CLEC16A: variants seen among roughly 807,000 people sequenced by gnomAD.
CLEC16A encodes the protein protein CLEC16A.
In CLEC16A, 51 loss-of-function variants were observed where a neutral mutation model predicts 109.5. The ratio of observed to expected loss-of-function variants is 0.47; its 90% confidence interval spans 0.37 to 0.59. The LOEUF (loss-of-function observed/expected upper bound fraction) is 0.59, where lower values mean the gene tolerates loss of function less well. CLEC16A is among the 20% of genes least tolerant of loss of function. The pLI is 0.00. For missense variants in CLEC16A, 1,339 were observed against 1,394.0 expected, an observed-to-expected ratio of 0.96 and a Z score of 0.63; for synonymous variants, 673 against 564.2, an observed-to-expected ratio of 1.19 and a Z score of -2.73.
chr16:10,961,594 C>T lies in CLEC16A; in HGVS notation c.210-861C>T, dbSNP rs1372787692. ...AACGTGTACCCCCAGAAGCCAGTGC[C>T]GCTAGGCTGTGTACAGACAAGTATC... On this transcript the variant is annotated intron_variant, in intron 2 of 23. Transcript: ENST00000409790. This position sits in a 1 kb window ranked among gnomAD's most constrained non-coding sequence, Gnocchi z 4.3. Among the ~76,000 whole-genome samples the T allele has an allele frequency of 2.0e-5, 3 of 152,186 alleles. No homozygotes were observed. The highest frequency in any genetic ancestry group is 7.2e-5 in the African/African-American group (3 of 41,438).
At chr16:11,090,872 G>T (rs952046222) in intron 19 of CLEC16A, among the ~76,000 whole-genome samples, 3 of 96,116 alleles carry the variant, frequency 3.1e-5, no homozygotes, top group Admixed American at 3.1e-4. Context: ...TTCTTGCCTT[G>T]TTGGCCAGGC....
chr16:10,962,659 C>G lies in CLEC16A; in HGVS notation c.343+71C>G, dbSNP rs1279290140. 6 of 1,545,544 alleles carry G rather than the reference C, an allele frequency of 3.9e-6. No individual in the cohort carries two copies. In the Admixed American group the frequency reaches 1.0e-4, roughly 27 times the overall value. Reference sequence around the variant, plus strand: ...GCAGGGTGAAGTTGGGCGTGGTTTTCTGTGTCTGCGCTTACTATTCGTCGG... The same window carrying G: ...GCAGGGTGAAGTTGGGCGTGGTTTTGTGTGTCTGCGCTTACTATTCGTCGG... On this transcript the variant is annotated intron_variant, in intron 3 of 23. Transcript: ENST00000409790.
chr16:11,146,701 G>C (rs11863016), intron 22 of CLEC16A, among the ~76,000 whole-genome samples: 2 of 148,418 alleles, frequency 1.3e-5, no homozygotes, highest in Non-Finnish European at 3.0e-5. Flanking sequence ...AAATGGGTAG[G>C]TGGCTGCTGG....
At chr16:11,116,693 G>A (rs1002540909) in intron 19 of CLEC16A, among the ~76,000 whole-genome samples, 1 of 152,138 alleles carries the variant, frequency 6.6e-6, no homozygotes, top group Non-Finnish European at 1.5e-5. Flanking sequence ...AGGAGAGGGG[G>A]GAAATCCTTG....
intron 17 of CLEC16A, among the ~76,000 whole-genome samples, chr16:11,049,544 C>G (rs963552074): frequency 3.3e-5 from 5 of 152,182 alleles, no homozygotes; most frequent in Non-Finnish European, 5.9e-5. Flanking sequence ...CAATGCCTGG[C>G]ATTCCAGAGA....
chr16:10,981,751 C>A (rs2043332811), intron 9 of CLEC16A, among the ~76,000 whole-genome samples: 1 of 152,252 alleles, frequency 6.6e-6, no homozygotes, highest in South Asian at 2.1e-4. Flanking sequence ...CTCCTGACTT[C>A]TATCCCCAGA....
At chr16:11,076,335 C>G (rs982137215) in intron 19 of CLEC16A, among the ~76,000 whole-genome samples, 4 of 152,190 alleles carry the variant, frequency 2.6e-5, no homozygotes, top group African/African-American at 9.7e-5. Context: ...ACAGGGCTGC[C>G]AAAGCCAGCC....
intron 22 of CLEC16A, among the ~76,000 whole-genome samples, chr16:11,142,955 C>T (rs576726173): frequency 2.6e-5 from 4 of 152,264 alleles, no homozygotes; most frequent in African/African-American, 7.2e-5. Flanking sequence ...AGATTACAGG[C>T]GCCTGCCACC....
intron 11 of CLEC16A, among the ~76,000 whole-genome samples, chr16:11,018,806 C>T (rs1441387165): frequency 6.6e-6 from 1 of 150,646 alleles, no homozygotes; most frequent in Non-Finnish European, 1.5e-5. Flanking sequence ...GTGAGAAGCC[C>T]AGCACAGCTG....
intron 22 of CLEC16A, chr16:11,136,369 C>G (rs1209138381): frequency 1.3e-5 from 2 of 152,230 alleles, no homozygotes; most frequent in African/African-American, 4.8e-5. Flanking sequence ...TCATTAGGCT[C>G]TTGTGACATA....
chr16:11,176,389 T>C (rs1294713453), intron 23 of CLEC16A, among the ~76,000 whole-genome samples: 2 of 152,156 alleles, frequency 1.3e-5, no homozygotes, highest in African/African-American at 4.8e-5. Flanking sequence ...CATGCAGTGG[T>C]TTCCTCTAGA....
chr16:10,999,414 C>T (rs1229632392), intron 10 of CLEC16A, among the ~76,000 whole-genome samples: 1 of 152,154 alleles, frequency 6.6e-6, no homozygotes, highest in Non-Finnish European at 1.5e-5. Flanking sequence ...TACACCATCA[C>T]GTATAGCCTT....
intron 22 of CLEC16A, among the ~76,000 whole-genome samples, chr16:11,163,836 G>C (rs2054810607): frequency 2.0e-5 from 3 of 152,144 alleles, no homozygotes; most frequent in African/African-American, 7.2e-5. Flanking sequence ...CTGGCCCTCT[G>C]TTCATGGCCC....
chr16:11,030,577 G>T (rs896981774), intron 13 of CLEC16A, among the ~76,000 whole-genome samples: 1 of 152,048 alleles, frequency 6.6e-6, no homozygotes, highest in Non-Finnish European at 1.5e-5. Flanking sequence ...GAGTCTTTTC[G>T]AATCCTTAGC....
At chr16:11,077,508 T>G (rs2049445346) in intron 19 of CLEC16A, among the ~76,000 whole-genome samples, 1 of 148,500 alleles carries the variant, frequency 6.7e-6, no homozygotes, top group Admixed American at 6.7e-5. Context: ...AGAAAAAACA[T>G]TAGCCAGGCG....
intron 19 of CLEC16A, among the ~76,000 whole-genome samples, chr16:11,110,491 C>T (rs1301914101): frequency 1.3e-5 from 2 of 152,090 alleles, no homozygotes; most frequent in Non-Finnish European, 2.9e-5. Flanking sequence ...GAAAAACAAC[C>T]GAAAACCATG....
At chr16:11,122,947 G>A (rs1260868218) in intron 20 of CLEC16A, among the ~76,000 whole-genome samples, 1 of 116,806 alleles carries the variant, frequency 8.6e-6, no homozygotes, top group Non-Finnish European at 1.6e-5. Flanking sequence ...TCTGTTGCCC[G>A]GGCTGGAGTG....
At chr16:10,969,399 G>A in intron 4 of CLEC16A, 90 bp downstream of exon 4, 1 of 899,666 alleles carries the variant, frequency 1.1e-6, no homozygotes. Flanking sequence ...TATCTGGATG[G>A]TCTTGTGTCT....
At chr16:11,027,478 T>C (rs535914747) in intron 13 of CLEC16A, 4 of 1,583,402 alleles carry the variant, frequency 2.5e-6, no homozygotes, top group South Asian at 2.2e-5. Context: ...CGAGAACTCA[T>C]TTTGAAACGT....
Sources: gnomAD v4.1 joint callset for allele counts (sites outside exome capture counted in the v4.1 genomes callset) on GRCh38, gnomAD v4.1.1 for gene constraint, Gnocchi (gnomAD v3.1) non-coding constraint, MANE v1.5 for transcripts, NCBI Gene and HGNC (gene_info 2026-07-23, HGNC 2026-07-21) for gene names.